The following LRRTM4 variants were observed in gnomAD, a reference collection of about 807,000 sequenced individuals.
LRRTM4 encodes the protein leucine rich repeat transmembrane neuronal 4.
Under a neutral mutation model 47.6 loss-of-function variants are expected in LRRTM4, and 25 were observed. The observed-to-expected ratio is 0.53, with a 90% CI of 0.38 to 0.73. LRRTM4 has a LOEUF of 0.73. LRRTM4 is among the 30% of genes least tolerant of loss of function. The pLI is 0.00. For missense variants in LRRTM4, 638 were observed against 713.4 expected, an observed-to-expected ratio of 0.89 and a Z score of 1.20; for synonymous variants, 311 against 269.5, an observed-to-expected ratio of 1.15 and a Z score of -1.51.
chr2:76,855,660 A>G (rs1672127632), intron 3 of LRRTM4, among the ~76,000 whole-genome samples: 1 of 152,214 alleles, frequency 6.6e-6, no homozygotes, highest in Non-Finnish European at 1.5e-5. Flanking sequence ...AAATGTAAAA[A>G]TATTTTCTGA....
intron 3 of LRRTM4, among the ~76,000 whole-genome samples, chr2:77,017,091 T>G (rs1212915788): frequency 2.6e-5 from 4 of 152,178 alleles, no homozygotes; most frequent in African/African-American, 9.7e-5. Context: ...TTGCAGGCAC[T>G]TTGCTCATTG....
intron 3 of LRRTM4, among the ~76,000 whole-genome samples, chr2:76,809,798 G>A (rs1416420739): frequency 6.6e-6 from 1 of 152,156 alleles, no homozygotes; most frequent in Non-Finnish European, 1.5e-5. Context: ...TCCAGCCACA[G>A]TTACTTGCTT....
chr2:77,174,391 C>T (rs1673134990), intron 3 of LRRTM4, among the ~76,000 whole-genome samples: 1 of 152,204 alleles, frequency 6.6e-6, no homozygotes, highest in Non-Finnish European at 1.5e-5. Context: ...CTCTGCCATT[C>T]TGTCATACTA....
chr2:77,477,853 A>C (rs1163635130), intron 3 of LRRTM4, among the ~76,000 whole-genome samples: 2 of 148,392 alleles, frequency 1.3e-5, no homozygotes, highest in African/African-American at 5.0e-5. Context: ...AAAAAAAAAA[A>C]AAAGAAAGAG....
intron 3 of LRRTM4, among the ~76,000 whole-genome samples, chr2:77,237,739 C>A (rs1675144003): frequency 6.6e-6 from 1 of 152,092 alleles, no homozygotes; most frequent in Non-Finnish European, 1.5e-5. Context: ...GAAAGGACTG[C>A]CATTATGGCA....
Position 77,028,743 on chromosome 2 carries a change from A to C in LRRTM4, c.1552-279827T>G, listed in dbSNP as rs377015834. ...AGGACAAAAACCATAGAATTAAAAT[A>C]TTCATTAGCAGGCCTGGCGCGGTGG... On this transcript the variant is annotated intron_variant, in intron 3 of 3. Coordinates refer to ENST00000409884, the MANE Select transcript of LRRTM4 (RefSeq NM_001134745.3). 4.6e-5 allele frequency among the ~76,000 whole-genome samples: 7 copies of C among 152,146 alleles called. No individual in the cohort carries two copies. The South Asian group carries it at 1.2e-3, about 27-fold the overall frequency.
intron 3 of LRRTM4, among the ~76,000 whole-genome samples, chr2:77,302,200 A>T (rs1251876470): frequency 6.6e-6 from 1 of 152,206 alleles, no homozygotes; most frequent in Non-Finnish European, 1.5e-5. Flanking sequence ...CTGAGTTTAA[A>T]TTTAAAGTAA....
chr2:76,889,370 C>A (rs1354427444), intron 3 of LRRTM4, among the ~76,000 whole-genome samples: 2 of 151,810 alleles, frequency 1.3e-5, no homozygotes, highest in African/African-American at 4.8e-5. Flanking sequence ...TCCTTTTTGT[C>A]CATATAGTCT....
chr2:77,295,631 G>A (rs1676951209), intron 3 of LRRTM4, among the ~76,000 whole-genome samples: 1 of 152,134 alleles, frequency 6.6e-6, no homozygotes, highest in Admixed American at 6.6e-5. Flanking sequence ...CCAAAATGAA[G>A]GTGTCGAGCA....
At chr2:76,844,822 G>A (rs1671792246) in intron 3 of LRRTM4, among the ~76,000 whole-genome samples, 1 of 152,108 alleles carries the variant, frequency 6.6e-6, no homozygotes, top group African/African-American at 2.4e-5. Context: ...ATATTGTGTA[G>A]CTGGATTTCA....
rs765106417 is a variant in LRRTM4 at position 76,777,074 on chromosome 2, C to G, written c.1552-28158G>C. On this transcript the variant is annotated intron_variant, in intron 3 of 3. Transcript: ENST00000409884. ...GTCAAAGATCAGATAGTTGTAGATA[C>G]GCGGCATTATTTCTGAGGGCTCTGT... is the stretch of plus-strand genomic sequence containing the variant. Among the ~76,000 whole-genome samples the G allele has an allele frequency of 3.0e-5, 4 of 134,112 alleles. 1 individual carries two copies. Among genetic ancestry groups the G allele is most frequent in the Admixed American group, 7.7e-5 (1 of 13,008 alleles). The allele number at this position is 134,112 out of a possible 152,430, so 88.0% of individuals were successfully genotyped here. A position where few individuals can be genotyped will look rare whatever the true frequency, so the allele number is the denominator to read the frequency against.
chr2:76,923,179 G>A (rs569679784), intron 3 of LRRTM4, among the ~76,000 whole-genome samples: 1 of 152,084 alleles, frequency 6.6e-6, no homozygotes, highest in South Asian at 2.1e-4. Flanking sequence ...ATTAAAAAGA[G>A]ATAGGTTTTA....
rs757157139 is a variant in LRRTM4, at chr2:76,748,720, A to G, written c.1748T>C (p.Ile583Thr). 2.5e-6 allele frequency: 4 copies of G among 1,612,598 alleles called. No individual in the cohort carries two copies. Among genetic ancestry groups the G allele is most frequent in the Admixed American group, 3.3e-5 (2 of 59,970 alleles). ...TTAGTTTGCAATTCTCTCTAGGTAGATGGCCGGTGCTGCCGACCTGGCGAT... is the reference window on the plus strand; with the variant it reads ...TTAGTTTGCAATTCTCTCTAGGTAGGTGGCCGGTGCTGCCGACCTGGCGAT... ...ATIARSAAPA[I>T]YLERIAN is the part of the protein sequence containing the mutation. The change falls in exon 4 of 4, where the codon ATC (isoleucine) becomes ACC (threonine). Residue 583 changes from isoleucine (I) to threonine (T), a missense_variant. Transcript: ENST00000409884.
At chr2:77,127,616 C>T (rs1434116405) in intron 3 of LRRTM4, among the ~76,000 whole-genome samples, 3 of 152,006 alleles carry the variant, frequency 2.0e-5, no homozygotes, top group Admixed American at 2.0e-4. Flanking sequence ...TCTCTCTCTC[C>T]CTCTAACCAC....
chr2:77,351,233 A>G (rs1473952809), intron 3 of LRRTM4, among the ~76,000 whole-genome samples: 3 of 151,958 alleles, frequency 2.0e-5, no homozygotes, highest in African/African-American at 7.2e-5. Context: ...CTTTTACTGG[A>G]GGAAACACAC....
At chr2:77,142,284 G>GA (rs1235752405) in intron 3 of LRRTM4, among the ~76,000 whole-genome samples, 1 of 152,068 alleles carries the variant, frequency 6.6e-6, no homozygotes, top group East Asian at 1.9e-4. Context: ...TTAGAAGGCT[G>GA]AAAAACCTCT....
intron 3 of LRRTM4, among the ~76,000 whole-genome samples, chr2:77,010,555 C>G (rs1238458544): frequency 6.8e-6 from 1 of 146,276 alleles, no homozygotes; most frequent in Non-Finnish European, 1.5e-5. Context: ...CAGTCTTTAA[C>G]CATTCATCTG....
intron 3 of LRRTM4, among the ~76,000 whole-genome samples, chr2:76,935,500 A>G (rs772092176): frequency 1.3e-5 from 2 of 152,070 alleles, no homozygotes; most frequent in Non-Finnish European, 2.9e-5. Flanking sequence ...AAGTTTTTCC[A>G]TTTGTTTGTG....
At chr2:77,310,345 A>T (rs1208532293) in intron 3 of LRRTM4, among the ~76,000 whole-genome samples, 2 of 151,646 alleles carry the variant, frequency 1.3e-5, no homozygotes, top group African/African-American at 2.4e-5. Context: ...TATATATATA[A>T]ATTTGAAAAT....
Sources: gnomAD v4.1 joint callset for allele counts (sites outside exome capture counted in the v4.1 genomes callset) on GRCh38, gnomAD v4.1.1 for gene constraint, MANE v1.5 for transcripts, NCBI Gene and HGNC (gene_info 2026-07-23, HGNC 2026-07-21) for gene names.